CFAP46: variants seen among roughly 807,000 people sequenced by gnomAD.
The protein encoded by CFAP46 is cilia- and flagella-associated protein 46.
In CFAP46, 245 loss-of-function variants were observed where a neutral mutation model predicts 325.7. That is an observed-to-expected ratio of 0.75 (90% CI 0.68 to 0.84). CFAP46 has a LOEUF of 0.84. CFAP46 is among the 40% of genes least tolerant of loss of function. The probability of loss-of-function intolerance (pLI) is 0.00; values close to 1 mark genes in which losing one functional copy is unlikely to be tolerated. For missense variants in CFAP46, 3,346 were observed against 3,543.0 expected (o/e 0.94, Z 1.41); for synonymous variants, 1,523 against 1,495.9 (o/e 1.02, Z -0.42).
At chr10:132,823,281 T>A (rs1290678570) in intron 50 of CFAP46, among the ~76,000 whole-genome samples, 2 of 119,120 alleles carry the variant, frequency 1.7e-5, no homozygotes, top group Non-Finnish European at 3.5e-5. Flanking sequence ...TGATGTGTGC[T>A]GTGTGTGCTG....
chr10:132,861,479 T>C (rs1848720443), intron 35 of CFAP46, among the ~76,000 whole-genome samples: 1 of 152,168 alleles, frequency 6.6e-6, no homozygotes, highest in African/African-American at 2.4e-5. Flanking sequence ...CCCTGTCTTT[T>C]AGGGGCTCCC....
At chr10:132,854,580 G>T (rs2135174581) in intron 39 of CFAP46, among the ~76,000 whole-genome samples, 1 of 152,112 alleles carries the variant, frequency 6.6e-6, no homozygotes, top group East Asian at 1.9e-4. Flanking sequence ...CTCGTGATCT[G>T]CCCTCCTCAG....
chr10:132,915,890 T>C (rs1217003723), intron 17 of CFAP46, among the ~76,000 whole-genome samples: 2 of 152,126 alleles, frequency 1.3e-5, no homozygotes, highest in Non-Finnish European at 1.5e-5. Context: ...AACGTCACTA[T>C]GCACCCCAAA....
intron 49 of CFAP46, 72 bp downstream of exon 49, chr10:132,833,969 G>A: frequency 7.0e-7 from 1 of 1,431,350 alleles, no homozygotes; most frequent in South Asian, 1.2e-5. Context: ...CGGATGGGTG[G>A]GTGGATCCCA....
At chr10:132,894,794 A>G (rs1849299114) in intron 24 of CFAP46, among the ~76,000 whole-genome samples, 1 of 152,240 alleles carries the variant, frequency 6.6e-6, no homozygotes, top group African/African-American at 2.4e-5. Flanking sequence ...CAGACTTATA[A>G]TAAGAGATTA....
At chr10:132,907,377 C>T (rs191861574) in intron 22 of CFAP46, among the ~76,000 whole-genome samples, 53 of 152,240 alleles carry the variant, frequency 3.5e-4, no homozygotes, top group African/African-American at 1.2e-3. Context: ...GGATGGAACA[C>T]GGTAAGCCAC....
At chr10:132,927,335 G>A (rs928987457) in intron 9 of CFAP46, among the ~76,000 whole-genome samples, 5 of 151,488 alleles carry the variant, frequency 3.3e-5, no homozygotes, top group African/African-American at 4.9e-5. Flanking sequence ...AGACGCCTCC[G>A]TCCCGGGGAG....
rs1850067507 is a variant in CFAP46, at chr10:132,939,684, C to T, written c.372-931G>A. Among the ~76,000 whole-genome samples, 1 of 152,146 alleles carries T rather than the reference C, an allele frequency of 6.6e-6. No homozygotes were observed. The highest frequency in any genetic ancestry group is 6.5e-5 in the Admixed American group (1 of 15,282). On this transcript the variant is annotated intron_variant, in intron 4 of 57. Transcript: ENST00000368586. The surrounding 1 kb of genome is among the most constrained non-coding windows in gnomAD (Gnocchi z 4.6). ...GGAGCGGAGGTGCGGGGTGTCCTGA[C>T]CAGACGGTCACGCCTGCTTGAGTCA...
At chr10:132,912,085 C>A (rs1395725943) in intron 19 of CFAP46, among the ~76,000 whole-genome samples, 1 of 151,736 alleles carries the variant, frequency 6.6e-6, no homozygotes, top group Admixed American at 6.6e-5. Flanking sequence ...AGGGCTCTGT[C>A]TCAGGTCAGC....
intron 25 of CFAP46, among the ~76,000 whole-genome samples, chr10:132,890,698 C>T (rs757691300): frequency 1.2e-4 from 18 of 152,096 alleles, no homozygotes; most frequent in Non-Finnish European, 2.5e-4. Flanking sequence ...GCTCAGCAAC[C>T]CTAGGATTAA....
Position 132,812,907 on chromosome 10 carries a change from G to A in CFAP46, c.7389-10C>T, listed in dbSNP as rs757133288. On this transcript the variant is annotated splice_polypyrimidine_tract_variant and intron_variant, in intron 54 of 57. Coordinates refer to ENST00000368586, the MANE Select transcript of CFAP46 (RefSeq NM_001200049.3). ...CTCCCACTGGGCCTGGCTGCAGAGA[G>A]AGGAGAGCGCTGGTCAACAGTGCCC... The A allele has an allele frequency of 6.2e-7, 1 of 1,601,978 alleles. No homozygotes were observed. Among genetic ancestry groups the A allele is most frequent in the East Asian group, 2.2e-5 (1 of 44,868 alleles).
At position 132,847,458 on chromosome 10, in the gene CFAP46, T is replaced by C. The variant is rs2135110084; in HGVS notation, c.5953-137A>G. The stretch of plus-strand genomic sequence containing the variant: ...GTAGGGGGTACCGCAGGCCACAGCA[T>C]GGCCTCTCACTATCCCAAACCCTCC... On this transcript the variant is annotated intron_variant, in intron 41 of 57. Transcript: ENST00000368586. The surrounding 1 kb of genome is among the most constrained non-coding windows in gnomAD (Gnocchi z 5.2). 3 of 1,019,458 alleles carry C rather than the reference T, an allele frequency of 2.9e-6. No homozygotes were observed. The East Asian group carries it at 7.1e-5, about 24-fold the overall frequency. 63.2% of individuals were successfully genotyped at this position (1,019,458 alleles called of 1,614,324 possible).
At chr10:132,864,937 T>C (rs1848792525) in intron 35 of CFAP46, among the ~76,000 whole-genome samples, 2 of 149,028 alleles carry the variant, frequency 1.3e-5, no homozygotes, top group Non-Finnish European at 3.0e-5. Context: ...CTGCCCTCAG[T>C]GCCTGAGACC....
rs768319264 is a variant in CFAP46, at chr10:132,869,258, G to T, written c.4610+16C>A. On this transcript the variant is annotated intron_variant, in intron 33 of 57. Transcript: ENST00000368586. This position sits in a 1 kb window ranked among gnomAD's most constrained non-coding sequence, Gnocchi z 6.2. ...AGACTCAAACCCCAGGCGGCGCAGG[G>T]TGGGACGGCACACACCTGGCCTGCT... 3 of 1,515,696 alleles carry T rather than the reference G, an allele frequency of 2.0e-6. No individual in the cohort carries two copies. Among genetic ancestry groups the T allele is most frequent in the South Asian group, 2.5e-5 (2 of 81,472 alleles). 93.9% of individuals were successfully genotyped at this position (1,515,696 alleles called of 1,614,324 possible). A position where few individuals can be genotyped will look rare whatever the true frequency, so the allele number is the denominator to read the frequency against.
At chr10:132,864,683 G>C (rs111526032) in intron 35 of CFAP46, among the ~76,000 whole-genome samples, 769 of 121,504 alleles carry the variant, frequency 6.3e-3, no homozygotes, top group African/African-American at 0.027. Flanking sequence ...CCCGAGACCT[G>C]CACACACCTG....
chr10:132,887,190 CTCCTCTCTCCT>C (rs1564790383), intron 25 of CFAP46, among the ~76,000 whole-genome samples: 1,002 of 89,584 alleles, frequency 0.011, 21 homozygotes, highest in African/African-American at 0.017. Flanking sequence ...TCTTCTCTCT[CTCCTCTCTCCT>C]CTTCTTTCCT....
intron 50 of CFAP46, among the ~76,000 whole-genome samples, chr10:132,824,263 CTGA>C (rs1417866809): frequency 3.2e-5 from 4 of 124,820 alleles, no homozygotes; most frequent in African/African-American, 1.3e-4. Context: ...GTGCTGTGTG[CTGA>C]TGTGTGCTGT....
intron 13 of CFAP46, among the ~76,000 whole-genome samples, 163 bp downstream of exon 13, chr10:132,921,940 GC>G (rs1849728895): frequency 6.6e-6 from 1 of 152,246 alleles, no homozygotes; most frequent in African/African-American, 2.4e-5. Flanking sequence ...GCTGGGCTTT[GC>G]CAGACCCGGC....
At chr10:132,858,531 C>T (rs1364609767) in intron 38 of CFAP46, among the ~76,000 whole-genome samples, 4 of 151,840 alleles carry the variant, frequency 2.6e-5, no homozygotes, top group Middle Eastern at 3.4e-3. Flanking sequence ...GTGGTGGGGA[C>T]GGCTGGCATC....
Sources: allele counts gnomAD v4.1 joint callset (sites outside exome capture counted in the v4.1 genomes callset), GRCh38; gene constraint gnomAD v4.1.1; non-coding constraint Gnocchi (gnomAD v3.1); transcripts MANE v1.5; gene names NCBI Gene and HGNC (gene_info 2026-07-23, HGNC 2026-07-21).